Variants in SSBP3 observed in about 807,000 individuals in gnomAD.
SSBP3 encodes single stranded DNA binding protein 3, also known as single-stranded DNA-binding protein 3.
A neutral mutation model predicts 69.6 loss-of-function variants in SSBP3; 5 were observed. That is an observed-to-expected ratio of 0.07 (90% CI 0.04 to 0.15). The LOEUF (loss-of-function observed/expected upper bound fraction) is 0.15, where lower values mean the gene tolerates loss of function less well. Ranked by LOEUF, SSBP3 falls within the 10% of genes least tolerant of loss-of-function variation. The pLI, the probability that SSBP3 is intolerant of heterozygous loss-of-function variation, is 1.00. For missense variants in SSBP3, 312 were observed against 534.0 expected (o/e 0.58, Z 4.10); for synonymous variants, 196 against 193.4 (o/e 1.01, Z -0.11).
At chr1:54,304,021 C>T (rs1008149704) in intron 4 of SSBP3, among the ~76,000 whole-genome samples, 10 of 152,058 alleles carry the variant, frequency 6.6e-5, no homozygotes, top group African/African-American at 1.7e-4. Context: ...ATGGGTAGCA[C>T]GGAGACAGAG....
intron 4 of SSBP3, among the ~76,000 whole-genome samples, chr1:54,335,500 G>A (rs535728242): frequency 1.3e-5 from 2 of 152,326 alleles, no homozygotes; most frequent in Admixed American, 1.3e-4. Context: ...GCCCTGCATG[G>A]CTGGCAGAGA....
intron 4 of SSBP3, among the ~76,000 whole-genome samples, chr1:54,391,774 C>T (rs1298647359): frequency 6.6e-6 from 1 of 152,206 alleles, no homozygotes; most frequent in East Asian, 1.9e-4. Flanking sequence ...ATTTGGGAGG[C>T]TGGGTCAACC....
At chr1:54,384,689 A>T (rs925314212) in intron 4 of SSBP3, among the ~76,000 whole-genome samples, 5 of 152,238 alleles carry the variant, frequency 3.3e-5, no homozygotes, top group Non-Finnish European at 7.3e-5. Flanking sequence ...CTCTAACTAC[A>T]GCCCAGGAAT....
At position 54,282,440 on chromosome 1, in the gene SSBP3, C is replaced by T. The variant is rs953099008; in HGVS notation, c.277-913G>A. Among the ~76,000 whole-genome samples the T allele has an allele frequency of 9.2e-5, 14 of 152,190 alleles. 1 individual carries two copies. The highest frequency in any genetic ancestry group is 7.9e-4 in the Admixed American group (12 of 15,278). On this transcript the variant is annotated intron_variant, in intron 4 of 17. Transcript: ENST00000610401. ...GGTGTCTCATGAGAGAGAGGGGCCT[C>T]GCGAAGTGGGGGGACCGTCATTCCT...
intron 4 of SSBP3, among the ~76,000 whole-genome samples, chr1:54,346,796 T>C (rs554042109): frequency 3.5e-4 from 50 of 144,256 alleles, no homozygotes; most frequent in Non-Finnish European, 5.3e-4. Flanking sequence ...GCCTGGGCAA[T>C]AGAGTGAGAC....
chr1:54,233,696 C>T, intron 14 of SSBP3, among the ~76,000 whole-genome samples: 1 of 148,222 alleles, frequency 6.7e-6, no homozygotes. Context: ...GGCCAGCCGC[C>T]CCGTCTGGGA....
exon 5 of SSBP3, chr1:54,281,464 C>T: frequency 1.3e-6 from 2 of 1,566,352 alleles, no homozygotes; most frequent in Non-Finnish European, 1.7e-6. Flanking sequence ...GGGATGGGGC[C>T]TCCCGGCATC....
chr1:54,308,133 C>T (rs904053562), intron 4 of SSBP3, among the ~76,000 whole-genome samples: 1 of 152,174 alleles, frequency 6.6e-6, no homozygotes, highest in African/African-American at 2.4e-5. Flanking sequence ...AACCTCCAAA[C>T]CCCTTACCAG....
At chr1:54,265,411 C>T (rs576735780) in intron 5 of SSBP3, among the ~76,000 whole-genome samples, 57 of 152,224 alleles carry the variant, frequency 3.7e-4, no homozygotes, top group Non-Finnish European at 6.6e-4. Context: ...CTAAGTTGCC[C>T]GCCTGCACAC....
At chr1:54,303,387 A>C (rs1056581019) in intron 4 of SSBP3, among the ~76,000 whole-genome samples, 4 of 150,264 alleles carry the variant, frequency 2.7e-5, no homozygotes, top group African/African-American at 1.0e-4. Context: ...CCCAGGGGGC[A>C]GGGGGCAGGC....
chr1:54,315,189 T>TA (rs1223256695), intron 4 of SSBP3, among the ~76,000 whole-genome samples: 2 of 152,152 alleles, frequency 1.3e-5, no homozygotes, highest in Non-Finnish European at 2.9e-5. Flanking sequence ...GCACTGTCTG[T>TA]ACCCATTCCT....
intron 4 of SSBP3, among the ~76,000 whole-genome samples, chr1:54,382,926 G>A (rs564571642): frequency 5.4e-5 from 8 of 149,350 alleles, no homozygotes; most frequent in Non-Finnish European, 1.2e-4. Context: ...CGGAGGCTGC[G>A]GTGAGCCGAG....
At chr1:54,365,976 C>G (rs1279010872) in intron 4 of SSBP3, among the ~76,000 whole-genome samples, 1 of 152,182 alleles carries the variant, frequency 6.6e-6, no homozygotes, top group Non-Finnish European at 1.5e-5. Flanking sequence ...CAGTTCTGAC[C>G]TCACGGAGTT....
intron 4 of SSBP3, among the ~76,000 whole-genome samples, chr1:54,329,530 GA>G: frequency 6.6e-6 from 1 of 152,356 alleles, no homozygotes; most frequent in African/African-American, 2.4e-5. Context: ...GCAACAACAA[GA>G]GGGCCCACTG....
chr1:54,235,447 G>GTTTTTTTTTTTTTTTTTTTTTTTTTTTTT (rs1644472595), intron 14 of SSBP3, among the ~76,000 whole-genome samples: 1 of 112,694 alleles, frequency 8.9e-6, no homozygotes, highest in African/African-American at 3.8e-5. Context: ...ATGCCCGGCT[G>GTTTTTTTTTTTTTTTTTTTTTTTTTTTTT]ATTTTTTTTT....
intron 14 of SSBP3, chr1:54,238,479 G>A (rs752428381): frequency 1.3e-5 from 5 of 376,396 alleles, no homozygotes; most frequent in East Asian, 7.3e-5. Context: ...ATCAGGCCCC[G>A]ACCTCGGGCA....
intron 5 of SSBP3, among the ~76,000 whole-genome samples, chr1:54,262,648 C>T (rs1423395811): frequency 6.6e-6 from 1 of 152,226 alleles, no homozygotes; most frequent in Non-Finnish European, 1.5e-5. Context: ...GAGGGTGATG[C>T]CTACCTCCCT....
chr1:54,233,765 G>A (rs1570195026), intron 14 of SSBP3, among the ~76,000 whole-genome samples: 1 of 151,272 alleles, frequency 6.6e-6, no homozygotes, highest in Admixed American at 6.6e-5. Flanking sequence ...AGGGAGGTGG[G>A]GGGGTCAGCC....
In SSBP3 at chr1:54,251,696, C is replaced by T. The variant is rs377178569; in HGVS notation, c.575-4G>A. 123 of 1,561,730 alleles carry T rather than the reference C, an allele frequency of 7.9e-5. No individual in the cohort carries two copies. In the African/African-American group the frequency reaches 1.3e-3, roughly 16 times the overall value. On this transcript the variant is annotated splice_region_variant and splice_polypyrimidine_tract_variant and intron_variant, in intron 8 of 17. Coordinates refer to ENST00000610401, the Ensembl canonical transcript of SSBP3. ...GATCCTCCCATGTTGGGGTGGCCTG[C>T]GTGAGAGAGGAGGCGCGTCATGGGA...
Sources: allele counts gnomAD v4.1 joint callset (sites outside exome capture counted in the v4.1 genomes callset), GRCh38; gene constraint gnomAD v4.1.1; transcripts MANE v1.5; gene names NCBI Gene and HGNC (gene_info 2026-07-23, HGNC 2026-07-21).